The following PHTF2 variants were observed in gnomAD, a reference collection of about 807,000 sequenced individuals.
PHTF2 encodes the protein putative homeodomain transcription factor 2.
In PHTF2, 60 loss-of-function variants were observed where a neutral mutation model predicts 101.2. The observed-to-expected ratio is 0.59, with a 90% CI of 0.48 to 0.73. The LOEUF is 0.73. PHTF2 is among the 30% of genes least tolerant of loss of function. The pLI, the probability that PHTF2 is intolerant of heterozygous loss-of-function variation, is 0.00. For missense variants in PHTF2, 747 were observed against 908.7 expected, an observed-to-expected ratio of 0.82 and a Z score of 2.29; for synonymous variants, 311 against 307.3, an observed-to-expected ratio of 1.01 and a Z score of -0.13.
chr7:77,954,264 G>T (rs543973858), intron 19 of PHTF2, among the ~76,000 whole-genome samples: 27 of 152,062 alleles, frequency 1.8e-4, no homozygotes, highest in African/African-American at 6.0e-4. Context: ...CTCCCAAGTA[G>T]CTGGGACTAC....
At chr7:77,891,285 C>T (rs934588451) in intron 3 of PHTF2, among the ~76,000 whole-genome samples, 58 of 152,134 alleles carry the variant, frequency 3.8e-4, no homozygotes, top group African/African-American at 1.2e-3. Flanking sequence ...CTGAATTATT[C>T]TATTAGAGCA....
At chr7:77,824,563 T>A (rs573437634) in intron 1 of PHTF2, among the ~76,000 whole-genome samples, 1 of 152,234 alleles carries the variant, frequency 6.6e-6, no homozygotes, top group Admixed American at 6.5e-5. Context: ...GAAGCTGGGA[T>A]TACAGGTGTG....
chr7:77,843,997 C>T (rs1432758169), intron 2 of PHTF2, among the ~76,000 whole-genome samples: 1 of 151,944 alleles, frequency 6.6e-6, no homozygotes, highest in African/African-American at 2.4e-5. Flanking sequence ...TGGTTAGTAA[C>T]TCACTTCTTT....
intron 3 of PHTF2, among the ~76,000 whole-genome samples, chr7:77,867,379 G>A (rs1239409860): frequency 1.3e-5 from 2 of 152,176 alleles, no homozygotes; most frequent in Non-Finnish European, 2.9e-5. Flanking sequence ...TATGGAGCCA[G>A]GTTGTCTGTG....
At chr7:77,933,711 G>GTTTTTT (rs372397795) in intron 12 of PHTF2, among the ~76,000 whole-genome samples, 2 of 108,314 alleles carry the variant, frequency 1.8e-5, no homozygotes, top group African/African-American at 3.2e-5. Flanking sequence ...GGGACCATGT[G>GTTTTTT]TTTTTTTTTT....
At chr7:77,887,174 G>GTATA (rs969476266) in intron 3 of PHTF2, among the ~76,000 whole-genome samples, 3 of 151,534 alleles carry the variant, frequency 2.0e-5, no homozygotes, top group Non-Finnish European at 1.5e-5. Flanking sequence ...AATATCTGGT[G>GTATA]TATATATTTA....
intron 1 of PHTF2, among the ~76,000 whole-genome samples, chr7:77,801,897 T>C (rs1441838921): frequency 6.6e-6 from 1 of 152,234 alleles, no homozygotes; most frequent in East Asian, 1.9e-4. Flanking sequence ...ACCAAACCTC[T>C]TTTAGCATCA....
intron 1 of PHTF2, among the ~76,000 whole-genome samples, chr7:77,832,630 C>T (rs1363477342): frequency 6.6e-6 from 1 of 152,012 alleles, no homozygotes; most frequent in Non-Finnish European, 1.5e-5. Context: ...GCAGGGTTTT[C>T]TGTAGTATAG....
intron 3 of PHTF2, among the ~76,000 whole-genome samples, chr7:77,874,173 T>A (rs1798748171): frequency 6.6e-6 from 1 of 152,154 alleles, no homozygotes; most frequent in Non-Finnish European, 1.5e-5. Flanking sequence ...TGCATTTATT[T>A]TGCAAAACTC....
intron 1 of PHTF2, among the ~76,000 whole-genome samples, chr7:77,799,770 C>A (rs1475636720): frequency 1.3e-5 from 2 of 152,208 alleles, no homozygotes; most frequent in Non-Finnish European, 2.9e-5. Flanking sequence ...AAACAAGGAA[C>A]TGCCTTATAC....
Position 77,893,769 on chromosome 7 carries a change from A to T in PHTF2, c.204+105A>T, listed in dbSNP as rs184819987. ...ATATACTTTTAAGATATAAATTACT[A>T]TTCTATTGAAGCTTTTAAAGAAAGA... On this transcript the variant is annotated intron_variant, in intron 4 of 19. Transcript: ENST00000416283. 3.9e-3 allele frequency: 2,427 copies of T among 618,510 alleles called. 12 individuals are homozygous for T. The highest frequency in any genetic ancestry group is 0.02 in the Middle Eastern group (46 of 2,318). 38.3% of individuals were successfully genotyped at this position (618,510 alleles called of 1,614,324 possible). A position where few individuals can be genotyped will look rare whatever the true frequency, so the allele number is the denominator to read the frequency against.
chr7:77,876,794 T>C (rs533916818), intron 3 of PHTF2, among the ~76,000 whole-genome samples: 1 of 152,336 alleles, frequency 6.6e-6, no homozygotes, highest in Admixed American at 6.5e-5. Flanking sequence ...CAGTTGCAGC[T>C]ACGCAGGAGG....
At chr7:77,857,445 A>T (rs1797275225) in intron 3 of PHTF2, among the ~76,000 whole-genome samples, 1 of 152,206 alleles carries the variant, frequency 6.6e-6, no homozygotes, top group South Asian at 2.1e-4. Context: ...CCTTTGTTGA[A>T]GCTAGTTTGA....
chr7:77,924,263 T>C (rs917598611), intron 11 of PHTF2: 1 of 419,636 alleles, frequency 2.4e-6, no homozygotes. Flanking sequence ...CAATTGCTAG[T>C]AATGTTTTTT....
At chr7:77,925,828 C>G (rs557300247) in intron 11 of PHTF2, among the ~76,000 whole-genome samples, 1 of 151,890 alleles carries the variant, frequency 6.6e-6, no homozygotes, top group Non-Finnish European at 1.5e-5. Flanking sequence ...GAGGCTGAGG[C>G]GGGCAGATCA....
Position 77,905,671 on chromosome 7 carries a change from A to T in PHTF2, c.446-3122A>T, listed in dbSNP as rs577820406. On this transcript the variant is annotated intron_variant, in intron 7 of 19. Coordinates refer to ENST00000416283, the Ensembl canonical transcript of PHTF2. ...CTGCCATTCCCAGCTAATTTTTGAAATTTTTTTGTAGAGGCAGGGTTTCGC... is the reference window on the plus strand; with the variant it reads ...CTGCCATTCCCAGCTAATTTTTGAATTTTTTTTGTAGAGGCAGGGTTTCGC... Among the ~76,000 whole-genome samples, 55 of 148,990 alleles carry T rather than the reference A, an allele frequency of 3.7e-4. 1 individual carries two copies. In the South Asian group the frequency reaches 0.011, roughly 29 times the overall value.
intron 1 of PHTF2, among the ~76,000 whole-genome samples, chr7:77,831,404 G>A (rs937005870): frequency 2.0e-5 from 3 of 152,184 alleles, no homozygotes; most frequent in East Asian, 3.9e-4. Context: ...CATTTGTTAC[G>A]AACTTTTAGG....
intron 8 of PHTF2, 71 bp from the exon 8 acceptor site, chr7:77,910,174 G>T: frequency 1.5e-6 from 2 of 1,295,080 alleles, no homozygotes; most frequent in Non-Finnish European, 2.1e-6. Flanking sequence ...CCAAAATTTT[G>T]ATTGTACTAC....
chr7:77,852,838 T>C (rs906296299), intron 2 of PHTF2, among the ~76,000 whole-genome samples: 1 of 152,216 alleles, frequency 6.6e-6, no homozygotes, highest in African/African-American at 2.4e-5. Context: ...TTGAAAGATA[T>C]TTTTCCTGGA....
Sources: allele counts gnomAD v4.1 joint callset (sites outside exome capture counted in the v4.1 genomes callset), GRCh38; gene constraint gnomAD v4.1.1; transcripts MANE v1.5; gene names NCBI Gene and HGNC (gene_info 2026-07-23, HGNC 2026-07-21).